Variants in ZNF827 observed in about 807,000 individuals in gnomAD.
ZNF827 encodes zinc finger protein 827.
ZNF827 carries 13 observed loss-of-function variants against 102.4 expected under a neutral mutation model. The observed-to-expected ratio is 0.13, with a 90% CI of 0.08 to 0.20. ZNF827 has a LOEUF of 0.20. Ranked by LOEUF, ZNF827 falls within the 10% of genes least tolerant of loss-of-function variation. The pLI, the probability that ZNF827 is intolerant of heterozygous loss-of-function variation, is 1.00. For missense variants in ZNF827, 1,103 were observed against 1,344.4 expected (o/e 0.82, Z 2.81); for synonymous variants, 523 against 536.2 (o/e 0.98, Z 0.34).
chr4:145,761,682 T>G lies in ZNF827; in HGVS notation c.*18-84A>C. The G allele has an allele frequency of 1.2e-6, 1 of 845,350 alleles. No individual in the cohort carries two copies. Among genetic ancestry groups the G allele is most frequent in the Non-Finnish European group, 1.6e-6 (1 of 614,212 alleles). The allele number at this position is 845,350 out of a possible 1,614,324, so 52.4% of individuals were successfully genotyped here. A position where few individuals can be genotyped will look rare whatever the true frequency, so the allele number is the denominator to read the frequency against. ...TTCTCGCCGCCTCACCAGCCTTCCCTCACACCACCCCCCAGTGTCTGAGGC... is the reference window on the plus strand; with the variant it reads ...TTCTCGCCGCCTCACCAGCCTTCCCGCACACCACCCCCCAGTGTCTGAGGC... On this transcript the variant is annotated intron_variant, in intron 14 of 14. Transcript: ENST00000508784. The surrounding 1 kb of genome is among the most constrained non-coding windows in gnomAD (Gnocchi z 6.8).
intron 5 of ZNF827, among the ~76,000 whole-genome samples, chr4:145,852,430 A>G (rs772781411): frequency 3.9e-5 from 6 of 152,240 alleles, no homozygotes; most frequent in Non-Finnish European, 8.8e-5. Flanking sequence ...GATCACTGAT[A>G]AAAAGCCTTT....
intron 8 of ZNF827, among the ~76,000 whole-genome samples, chr4:145,791,940 A>G (rs956279835): frequency 6.6e-6 from 1 of 152,194 alleles, no homozygotes; most frequent in Admixed American, 6.5e-5. Context: ...TAGGAAGCGT[A>G]TGTACTCTAC....
chr4:145,845,508 C>A (rs1273101281), intron 7 of ZNF827, among the ~76,000 whole-genome samples: 1 of 152,106 alleles, frequency 6.6e-6, no homozygotes, highest in Non-Finnish European at 1.5e-5. Context: ...TTTGGGATAT[C>A]CTTGGTGACA....
intron 4 of ZNF827, among the ~76,000 whole-genome samples, chr4:145,878,732 AGAGGAAGG>A (rs903013732): frequency 6.0e-5 from 9 of 151,116 alleles, no homozygotes; most frequent in African/African-American, 1.7e-4. Context: ...GAAGGGAGAG[AGAGGAAGG>A]GAGGAAGGGC....
At chr4:145,809,674 T>G (rs1256025227) in intron 8 of ZNF827, among the ~76,000 whole-genome samples, 1 of 152,198 alleles carries the variant, frequency 6.6e-6, no homozygotes, top group African/African-American at 2.4e-5. Context: ...TGAGATGTTT[T>G]TCAGACAGCA....
intron 3 of ZNF827, 55 bp from the exon 4 acceptor site, chr4:145,886,213 T>C: frequency 6.5e-7 from 1 of 1,530,182 alleles, no homozygotes; most frequent in Non-Finnish European, 8.8e-7. Flanking sequence ...GGAAAATGCC[T>C]TGCTGTAGAT....
intron 7 of ZNF827, among the ~76,000 whole-genome samples, chr4:145,833,449 C>T (rs1744464545): frequency 6.6e-6 from 1 of 152,132 alleles, no homozygotes; most frequent in African/African-American, 2.4e-5. Context: ...CTGCCTTAGT[C>T]CTTCACCCTT....
Position 145,765,268 on chromosome 4 carries a change from C to A in ZNF827, c.3053-103G>T. 4.7e-6 allele frequency: 6 copies of A among 1,284,638 alleles called. No individual in the cohort carries two copies. The highest frequency in any genetic ancestry group is 6.3e-6 in the Non-Finnish European group (6 of 950,642). 79.6% of individuals were successfully genotyped at this position (1,284,638 alleles called of 1,614,324 possible). A position where few individuals can be genotyped will look rare whatever the true frequency, so the allele number is the denominator to read the frequency against. On this transcript the variant is annotated intron_variant, in intron 12 of 14. Transcript: ENST00000508784. This position sits in a 1 kb window ranked among gnomAD's most constrained non-coding sequence, Gnocchi z 4.7. The stretch of plus-strand genomic sequence containing the variant: ...CCACTTCCTCCCGCCTCCTCCGACG[C>A]CTGACAGCTATACCCTTCCAGGCAC...
chr4:145,875,695 C>A (rs1367054252), intron 4 of ZNF827, among the ~76,000 whole-genome samples: 2 of 152,138 alleles, frequency 1.3e-5, no homozygotes, highest in Non-Finnish European at 2.9e-5. Context: ...TCCTTCAGTT[C>A]AACGTATGGC....
chr4:145,805,763 C>T (rs1279215014), intron 8 of ZNF827, among the ~76,000 whole-genome samples: 1 of 152,122 alleles, frequency 6.6e-6, no homozygotes, highest in Non-Finnish European at 1.5e-5. Flanking sequence ...CCCCTCCAGC[C>T]TCACCTCCCT....
At chr4:145,772,828 A>G (rs1467430490) in intron 11 of ZNF827, among the ~76,000 whole-genome samples, 1 of 152,250 alleles carries the variant, frequency 6.6e-6, no homozygotes, top group Admixed American at 6.5e-5. Context: ...CTGCTAGACA[A>G]TGAGCCCTGA....
At position 145,761,997 on chromosome 4, in the gene ZNF827, T is replaced by C. The variant is rs1365581165; in HGVS notation, c.*18-399A>G. 6.7e-6 allele frequency among the ~76,000 whole-genome samples: 1 copy of C among 149,336 alleles called. No individual in the cohort carries two copies. Among genetic ancestry groups the C allele is most frequent in the East Asian group, 2.0e-4 (1 of 4,992 alleles). On this transcript the variant is annotated intron_variant, in intron 14 of 14. Coordinates refer to ENST00000508784, the MANE Select transcript of ZNF827 (RefSeq NM_001306215.2). This position sits in a 1 kb window ranked among gnomAD's most constrained non-coding sequence, Gnocchi z 6.8. ...GAGGTCTAAACCTCCTGACCTCCCC[T>C]CTAGATGGGAGCAACACAAAGAATC...
chr4:145,760,960 A>G lies in ZNF827; in HGVS notation c.*656T>C. On this transcript the variant is annotated 3_prime_UTR_variant, in exon 15 of 15. Coordinates refer to ENST00000508784, the MANE Select transcript of ZNF827 (RefSeq NM_001306215.2). ...AAAATCTGAGTTCCGGTACTTGTCA[A>G]AGCGCAAAGGGGAGCCGTTGAAGGC... 8.1e-7 allele frequency: 1 copy of G among 1,236,460 alleles called. No individual in the cohort carries two copies. Among genetic ancestry groups the G allele is most frequent in the Non-Finnish European group, 1.0e-6 (1 of 963,946 alleles). 76.6% of individuals were successfully genotyped at this position (1,236,460 alleles called of 1,614,324 possible). A position where few individuals can be genotyped will look rare whatever the true frequency, so the allele number is the denominator to read the frequency against.
intron 8 of ZNF827, among the ~76,000 whole-genome samples, chr4:145,821,987 T>C (rs1743187030): frequency 6.6e-6 from 1 of 152,188 alleles, no homozygotes; most frequent in Non-Finnish European, 1.5e-5. Context: ...TGGGCAGTTA[T>C]TTTGACATTA....
At position 145,823,538 on chromosome 4, in the gene ZNF827, A is replaced by AG. The variant is rs779623427; in HGVS notation, c.2280-14dup. ...TGAAAAGAAAGGGCTGGGGTGGGGG[A>AG]GGGGGAGTGAAGTTTAGTAAATTAA... On this transcript the variant is annotated splice_polypyrimidine_tract_variant and intron_variant, in intron 7 of 14. Coordinates refer to ENST00000508784, the MANE Select transcript of ZNF827 (RefSeq NM_001306215.2). 4.8e-5 allele frequency: 50 copies of AG among 1,040,124 alleles called. No individual in the cohort carries two copies. Among genetic ancestry groups the AG allele is most frequent in the Non-Finnish European group, 6.8e-5 (46 of 679,366 alleles). The allele number at this position is 1,040,124 out of a possible 1,614,324, so 64.4% of individuals were successfully genotyped here.
At chr4:145,838,554 C>T (rs1361052354) in intron 7 of ZNF827, among the ~76,000 whole-genome samples, 9 of 152,010 alleles carry the variant, frequency 5.9e-5, no homozygotes, top group Non-Finnish European at 1.3e-4. Flanking sequence ...TGGGGGGGGA[C>T]CCTTGATATT....
In ZNF827 at chr4:145,836,292, C is replaced by T. The variant is rs867800010; in HGVS notation, c.2279+9664G>A. On this transcript the variant is annotated intron_variant, in intron 7 of 14. Transcript: ENST00000508784. ...TCCTTTCCTTCCTAGGCATGGTTAG[C>T]GCGGTCAGAATTCTTACACAAGAGC... Among the ~76,000 whole-genome samples the T allele has an allele frequency of 8.9e-3, 1,353 of 151,724 alleles. 28 individuals are homozygous for T. The highest frequency in any genetic ancestry group is 0.031 in the African/African-American group (1,294 of 41,308).
At chr4:145,773,771 T>C (rs1353896425) in intron 11 of ZNF827, among the ~76,000 whole-genome samples, 1 of 152,228 alleles carries the variant, frequency 6.6e-6, no homozygotes, top group Non-Finnish European at 1.5e-5. Context: ...CAGGAGAATC[T>C]GGTTTTCTTT....
chr4:145,833,443 C>T (rs1050611564), intron 7 of ZNF827, among the ~76,000 whole-genome samples: 4 of 152,156 alleles, frequency 2.6e-5, no homozygotes, highest in Admixed American at 2.0e-4. Context: ...GGACGCCTGC[C>T]TTAGTCCTTC....
Sources: gnomAD v4.1 joint callset for allele counts (sites outside exome capture counted in the v4.1 genomes callset) on GRCh38, gnomAD v4.1.1 for gene constraint, Gnocchi (gnomAD v3.1) non-coding constraint, MANE v1.5 for transcripts, NCBI Gene and HGNC (gene_info 2026-07-23, HGNC 2026-07-21) for gene names.